The following BCAS1 variants were observed in gnomAD, a reference collection of about 807,000 sequenced individuals.
BCAS1 encodes brain enriched myelin associated protein 1, also known as breast carcinoma-amplified sequence 1.
Under a neutral mutation model 65.4 loss-of-function variants are expected in BCAS1, and 46 were observed. That is an observed-to-expected ratio of 0.70 (90% confidence interval 0.55 to 0.90). BCAS1 has a LOEUF of 0.90. Among genes scored for constraint, BCAS1 ranks in the 40% least tolerant of loss-of-function variants. The pLI is 0.00. For synonymous variants in BCAS1, 298 were observed against 293.5 expected (o/e 1.02, Z -0.16); for missense variants, 793 against 771.2 (o/e 1.03, Z -0.33).
chr20:54,027,783 CA>C (rs869131413), intron 4 of BCAS1, among the ~76,000 whole-genome samples: 7 of 146,468 alleles, frequency 4.8e-5, no homozygotes, highest in South Asian at 4.3e-4. Context: ...AAAACCAACA[CA>C]AAAAAACCCC....
intron 4 of BCAS1, among the ~76,000 whole-genome samples, chr20:54,001,156 G>A (rs1046517465): frequency 2.6e-5 from 4 of 152,148 alleles, no homozygotes; most frequent in African/African-American, 9.7e-5. Flanking sequence ...TGGCTTTTAA[G>A]ATTTGTTCGT....
intron 3 of BCAS1, among the ~76,000 whole-genome samples, chr20:54,029,550 G>T (rs1300274107): frequency 4.6e-5 from 7 of 152,214 alleles, no homozygotes; most frequent in Non-Finnish European, 7.3e-5. Context: ...TTACGTTTGA[G>T]AGGCACTGAG....
At chr20:54,053,007 T>G (rs2092243708) in intron 3 of BCAS1, among the ~76,000 whole-genome samples, 1 of 152,232 alleles carries the variant, frequency 6.6e-6, no homozygotes, top group African/African-American at 2.4e-5. Flanking sequence ...GATACTAATT[T>G]AAACAATTGC....
chr20:54,024,779 T>C (rs1405098058), intron 4 of BCAS1, among the ~76,000 whole-genome samples: 2 of 152,132 alleles, frequency 1.3e-5, no homozygotes, highest in East Asian at 1.9e-4. Context: ...TCAGACCTAC[T>C]AGGACAAAGA....
At chr20:54,034,364 G>A (rs1054496383) in intron 3 of BCAS1, among the ~76,000 whole-genome samples, 1 of 151,320 alleles carries the variant, frequency 6.6e-6, no homozygotes, top group Non-Finnish European at 1.5e-5. Flanking sequence ...CAGATTACAT[G>A]ACATTATATC....
chr20:53,985,479 G>C lies in BCAS1; in HGVS notation c.1083C>G (p.Thr361=). 1 of 1,613,848 alleles carries C rather than the reference G, an allele frequency of 6.2e-7. No homozygotes were observed. Among genetic ancestry groups the C allele is most frequent in the Non-Finnish European group, 8.5e-7 (1 of 1,179,930 alleles). ...FRHKGAEKSP[T]TSADLKSDKA... ...TGTCTGACTTAAGGTCAGCTGAAGT[G>C]GTGGGTGACTTTTCAGCACCCTAAA... The change falls in exon 8 of 13, where the codon ACC becomes ACG. Residue 361 remains threonine, a synonymous_variant. Coordinates refer to ENST00000688948, the MANE Select transcript of BCAS1 (RefSeq NM_001366298.2).
At chr20:54,048,646 G>A (rs993422070) in intron 3 of BCAS1, among the ~76,000 whole-genome samples, 5 of 152,220 alleles carry the variant, frequency 3.3e-5, no homozygotes, top group Non-Finnish European at 5.9e-5. Context: ...GTGTTTTGAT[G>A]AGGCTGTCAG....
intron 8 of BCAS1, among the ~76,000 whole-genome samples, chr20:53,978,952 C>A (rs169639): frequency 0.38 from 58,449 of 152,054 alleles, 12,515 homozygotes; most frequent in African/African-American, 0.57. Flanking sequence ...CTATCTACTG[C>A]TCATAGCGTT....
chr20:54,022,167 G>A (rs192898133), intron 4 of BCAS1, among the ~76,000 whole-genome samples: 170 of 152,246 alleles, frequency 1.1e-3, no homozygotes, highest in Middle Eastern at 6.8e-3. Flanking sequence ...AGACTGAGGC[G>A]GGCTTGTGGG....
At chr20:53,985,253 G>A (rs774940120) in intron 8 of BCAS1, 34 bp downstream of exon 8, 51 of 1,601,362 alleles carry the variant, frequency 3.2e-5, no homozygotes, top group East Asian at 8.9e-5. Context: ...ATCCCCGCCC[G>A]GACGACTCTC....
At chr20:53,955,186 C>T (rs974607655) in intron 11 of BCAS1, among the ~76,000 whole-genome samples, 4 of 152,260 alleles carry the variant, frequency 2.6e-5, no homozygotes, top group African/African-American at 7.2e-5. Flanking sequence ...TAGAAGTAAG[C>T]GGGAAGACAA....
Position 54,058,676 on chromosome 20 carries a change from C to G in BCAS1, c.43G>C (p.Glu15Gln), listed in dbSNP as rs1380885423. 6.4e-7 allele frequency: 1 copy of G among 1,571,778 alleles called. No homozygotes were observed. The highest frequency in any genetic ancestry group is 1.8e-5 in the Admixed American group (1 of 57,112). ...MSVPQRVEDQ[E>Q]NEPEAETYQD... The stretch of plus-strand genomic sequence containing the variant: ...TAAGTCTCTGCTTCTGGTTCATTCT[C>G]TTGGTCTTCAACTCTTTGGGGAACA... The change falls in exon 2 of 13, where the codon GAG becomes CAG. Residue 15 changes from glutamate (E) to glutamine (Q), a missense_variant. Glu to Gln is a conservative substitution (Grantham distance 29). Coordinates refer to ENST00000688948, the MANE Select transcript of BCAS1 (RefSeq NM_001366298.2).
In BCAS1 at chr20:54,009,219, T is replaced by C. The variant is rs148898153; in HGVS notation, c.724-13169A>G. On this transcript the variant is annotated intron_variant, in intron 4 of 12. Transcript: ENST00000688948. ...AAAGCCCCAGCAAAGAAATAGAAGA[T>C]ATAAAAATAACTAAAATGGAAATTT... Among the ~76,000 whole-genome samples the C allele has an allele frequency of 9.1e-3, 1,387 of 152,178 alleles. 27 individuals carry two copies. Among genetic ancestry groups the C allele is most frequent in the African/African-American group, 0.031 (1,299 of 41,492 alleles).
At position 53,967,069 on chromosome 20, in the gene BCAS1, A is replaced by G; in HGVS notation, c.1322T>C (p.Val441Ala). The G allele has an allele frequency of 6.2e-7, 1 of 1,604,040 alleles. No homozygotes were observed. The highest frequency in any genetic ancestry group is 1.1e-5 in the South Asian group (1 of 88,054). ...SVPTGAEENV[V>A]CESPVEIIKS... The stretch of plus-strand genomic sequence containing the variant: ...TATAATCTCTACTGGTGACTCACAC[A>G]CCACCTGGATTATTTTGCCAGGTAA... The change falls in exon 10 of 13, where the codon GTG becomes GCG. Residue 441 changes from valine (V) to alanine (A), a missense_variant. By Grantham distance (64) the Val-to-Ala change is moderately conservative. Coordinates refer to ENST00000688948, the MANE Select transcript of BCAS1 (RefSeq NM_001366298.2).
intron 4 of BCAS1, among the ~76,000 whole-genome samples, chr20:53,998,543 T>C (rs1248547239): frequency 6.6e-6 from 1 of 152,190 alleles, no homozygotes; most frequent in South Asian, 2.1e-4. Flanking sequence ...TGTGTGAACA[T>C]AGAGCAAGAG....
At chr20:53,985,898 G>A (rs2090604260) in intron 7 of BCAS1, among the ~76,000 whole-genome samples, 1 of 152,086 alleles carries the variant, frequency 6.6e-6, no homozygotes, top group Non-Finnish European at 1.5e-5. Flanking sequence ...ACTTATTTAT[G>A]TATATATTAT....
At chr20:53,949,680 G>A (rs932037560) in intron 12 of BCAS1, among the ~76,000 whole-genome samples, 2 of 152,156 alleles carry the variant, frequency 1.3e-5, no homozygotes, top group Admixed American at 6.5e-5. Flanking sequence ...ACACTGGGAC[G>A]ATGCAGGACT....
At chr20:53,991,090 T>C (rs1208420261) in intron 7 of BCAS1, among the ~76,000 whole-genome samples, 1 of 152,208 alleles carries the variant, frequency 6.6e-6, no homozygotes, top group Non-Finnish European at 1.5e-5. Context: ...AATGTCATAA[T>C]GAAAGGCAGA....
At chr20:54,015,581 C>A (rs1164371706) in intron 4 of BCAS1, among the ~76,000 whole-genome samples, 2 of 152,110 alleles carry the variant, frequency 1.3e-5, no homozygotes, top group East Asian at 1.9e-4. Context: ...GAAAGGGCTT[C>A]AAATCTGCCC....
Sources: gnomAD v4.1 joint callset for allele counts (sites outside exome capture counted in the v4.1 genomes callset) on GRCh38, gnomAD v4.1.1 for gene constraint, MANE v1.5 for transcripts, NCBI Gene and HGNC (gene_info 2026-07-23, HGNC 2026-07-21) for gene names.